RALYL: variants seen among roughly 807,000 people sequenced by gnomAD.
RALYL encodes RALY RNA binding protein like.
RALYL carries 29 observed loss-of-function variants against 35.1 expected under a neutral mutation model. The observed-to-expected ratio is 0.83, with a 90% confidence interval of 0.61 to 1.13. The LOEUF (loss-of-function observed/expected upper bound fraction) is 1.13. Ranked by LOEUF, RALYL falls within the 50% of genes most tolerant of loss-of-function variation. RALYL has a pLI of 0.00. For synonymous variants in RALYL, 120 were observed against 127.6 expected, an observed-to-expected ratio of 0.94 and a Z score of 0.40; for missense variants, 359 against 360.4, an observed-to-expected ratio of 1.00 and a Z score of 0.03.
intron 1 of RALYL, among the ~76,000 whole-genome samples, chr8:84,445,604 AAG>A (rs1365299003): frequency 6.6e-6 from 1 of 151,816 alleles, no homozygotes; most frequent in Admixed American, 6.6e-5. Context: ...AAACAAAAAA[AAG>A]AATGGTTAAT....
chr8:84,471,427 A>T (rs892360103), intron 1 of RALYL, among the ~76,000 whole-genome samples: 12 of 134,434 alleles, frequency 8.9e-5, no homozygotes, highest in East Asian at 6.4e-4. Flanking sequence ...TACACAAATT[A>T]AAAAAAAAAA....
At chr8:84,362,322 G>A (rs1853215632) in intron 1 of RALYL, among the ~76,000 whole-genome samples, 1 of 152,136 alleles carries the variant, frequency 6.6e-6, no homozygotes, top group African/African-American at 2.4e-5. Context: ...AGATTGAAGT[G>A]AATTGAAGAG....
chr8:84,327,326 A>G (rs16912697), intron 1 of RALYL, among the ~76,000 whole-genome samples: 3,079 of 152,180 alleles, frequency 0.02, 113 homozygotes, highest in African/African-American at 0.07. Context: ...AACAAGCTCT[A>G]TTATGGAATG....
chr8:84,377,777 A>G (rs2131556758), intron 1 of RALYL, among the ~76,000 whole-genome samples: 1 of 151,956 alleles, frequency 6.6e-6, no homozygotes, highest in African/African-American at 2.4e-5. Context: ...ACCTCCAAAC[A>G]AATGTCAGAA....
intron 1 of RALYL, among the ~76,000 whole-genome samples, chr8:84,458,441 C>A (rs1369369132): frequency 6.6e-6 from 1 of 151,688 alleles, no homozygotes. Context: ...TAGAATTTTT[C>A]TTATATTAAT....
At chr8:84,576,019 A>G (rs1261430494) in intron 2 of RALYL, among the ~76,000 whole-genome samples, 4 of 152,080 alleles carry the variant, frequency 2.6e-5, no homozygotes, top group Non-Finnish European at 2.9e-5. Context: ...TTATTCTATC[A>G]TATCCTTCCT....
At chr8:84,747,992 A>T (rs1433471016) in intron 2 of RALYL, among the ~76,000 whole-genome samples, 1 of 151,956 alleles carries the variant, frequency 6.6e-6, no homozygotes, top group East Asian at 1.9e-4. Flanking sequence ...TTCTGTTGGG[A>T]ATTAGTTTTG....
intron 1 of RALYL, among the ~76,000 whole-genome samples, chr8:84,305,015 A>G (rs774941806): frequency 6.6e-6 from 1 of 152,184 alleles, no homozygotes; most frequent in Non-Finnish European, 1.5e-5. Context: ...GGGAAACATT[A>G]CAGAGCTGGT....
intron 1 of RALYL, among the ~76,000 whole-genome samples, chr8:84,278,267 G>A (rs117857392): frequency 0.019 from 2,911 of 152,294 alleles, 42 homozygotes; most frequent in South Asian, 0.031. Context: ...GCTGTACATC[G>A]GCCCCTTTTA....
intron 1 of RALYL, among the ~76,000 whole-genome samples, chr8:84,408,193 C>T (rs1344826570): frequency 4.6e-5 from 7 of 151,926 alleles, no homozygotes; most frequent in African/African-American, 1.7e-4. Context: ...TAAATCTCAT[C>T]AGGGACAAAA....
rs548525829 is a variant in RALYL, at chr8:84,561,176, C to T, written c.256+31599C>T. Among the ~76,000 whole-genome samples, 3 of 152,086 alleles carry T rather than the reference C, an allele frequency of 2.0e-5. No homozygotes were observed. In the South Asian group the frequency reaches 6.2e-4, roughly 32 times the overall value. ...TGTTATTTAGGATTGCATATGCTGC[C>T]TACTACATTTTCTTCTATAAATGGC... On this transcript the variant is annotated intron_variant, in intron 2 of 8. Transcript: ENST00000521268.
At chr8:84,693,790 G>A (rs1409231259) in intron 2 of RALYL, among the ~76,000 whole-genome samples, 1 of 151,792 alleles carries the variant, frequency 6.6e-6, no homozygotes, top group Non-Finnish European at 1.5e-5. Flanking sequence ...ATTTATCCCT[G>A]GGATATAAGA....
chr8:84,405,629 G>T (rs1216632048), intron 1 of RALYL, among the ~76,000 whole-genome samples: 2 of 152,030 alleles, frequency 1.3e-5, no homozygotes, highest in Non-Finnish European at 2.9e-5. Flanking sequence ...TAAATTCCTG[G>T]ACACATATAC....
In RALYL at chr8:84,434,293, A is replaced by G. The variant is rs974931153; in HGVS notation, c.-23-95006A>G. Among the ~76,000 whole-genome samples, 8 of 152,052 alleles carry G rather than the reference A, an allele frequency of 5.3e-5. No homozygotes were observed. The South Asian group carries it at 1.0e-3, about 20-fold the overall frequency. ...TACCCCTTTTATAATCCATCTCCAA[A>G]CAGAGTCATATTTTGAGATATCGGG... On this transcript the variant is annotated intron_variant, in intron 1 of 8. Coordinates refer to ENST00000521268, the MANE Select transcript of RALYL (RefSeq NM_173848.7).
chr8:84,299,881 G>A (rs776782981), intron 1 of RALYL, among the ~76,000 whole-genome samples: 16 of 151,698 alleles, frequency 1.1e-4, no homozygotes, highest in Non-Finnish European at 1.6e-4. Flanking sequence ...ACTAGCTGTC[G>A]ATCACATTTA....
At chr8:84,804,124 T>C (rs900191877) in intron 3 of RALYL, among the ~76,000 whole-genome samples, 5 of 152,228 alleles carry the variant, frequency 3.3e-5, no homozygotes, top group Non-Finnish European at 5.9e-5. Flanking sequence ...TAGCCCATTT[T>C]ATAATGAGAA....
At chr8:84,908,984 G>A (rs1416679515) in intron 8 of RALYL, among the ~76,000 whole-genome samples, 1 of 151,764 alleles carries the variant, frequency 6.6e-6, no homozygotes, top group East Asian at 1.9e-4. Context: ...CCTCACAATT[G>A]TTAAAAGTGA....
chr8:84,816,128 A>G (rs1364054921), intron 4 of RALYL, among the ~76,000 whole-genome samples: 3 of 152,168 alleles, frequency 2.0e-5, no homozygotes, highest in Non-Finnish European at 2.9e-5. Flanking sequence ...GTTTAAAACC[A>G]GTCTTGCCTT....
At chr8:84,327,396 A>T (rs764402811) in intron 1 of RALYL, among the ~76,000 whole-genome samples, 25 of 152,178 alleles carry the variant, frequency 1.6e-4, no homozygotes, top group Middle Eastern at 3.4e-3. Flanking sequence ...TGCAGAGGGA[A>T]TGTGGGAGGA....
Sources: gnomAD v4.1 joint callset for allele counts (sites outside exome capture counted in the v4.1 genomes callset) on GRCh38, gnomAD v4.1.1 for gene constraint, MANE v1.5 for transcripts, NCBI Gene and HGNC (gene_info 2026-07-23, HGNC 2026-07-21) for gene names.